Variants in RPP40 observed in about 807,000 individuals in gnomAD.
RPP40 encodes the protein ribonuclease P protein subunit p40.
RPP40 carries 30 observed loss-of-function variants against 42.5 expected under a neutral mutation model. That is an observed-to-expected ratio of 0.71 (90% CI 0.53 to 0.96). The LOEUF is 0.96. Among genes scored for constraint, RPP40 ranks in the 40% least tolerant of loss-of-function variants. RPP40 has a pLI of 0.00. For synonymous variants in RPP40, 173 were observed against 164.0 expected, an observed-to-expected ratio of 1.05 and a Z score of -0.42; for missense variants, 426 against 433.5, an observed-to-expected ratio of 0.98 and a Z score of 0.15.
rs575735499 is a variant in RPP40 at position 5,002,240 on chromosome 6, T to C, written c.129A>G (p.Ser43=). Reference sequence around the variant, plus strand: ...GTATCCCACATTCAGGAATGAGAAATGAAACCTATTGGAATGTGTAATACA... The same window carrying C: ...GTATCCCACATTCAGGAATGAGAAACGAAACCTATTGGAATGTGTAATACA... ...VQTHYYNYRV[S]FLIPECGILS... The change falls in exon 2 of 8, where the codon TCA becomes TCG. Residue 43 remains serine, a synonymous_variant. Transcript: ENST00000380051. 182 of 1,612,080 alleles carry C rather than the reference T, an allele frequency of 1.1e-4. 2 individuals carry two copies. In the South Asian group the frequency reaches 1.9e-3, roughly 17 times the overall value.
chr6:5,003,936 C>G lies in RPP40; in HGVS notation c.67G>C (p.Gly23Arg). 7 of 1,613,610 alleles carry G rather than the reference C, an allele frequency of 4.3e-6. No homozygotes were observed. The highest frequency in any genetic ancestry group is 5.9e-6 in the Non-Finnish European group (7 of 1,179,752). Residue 23 changes from glycine (G) to arginine (R), a missense_variant, in exon 1 of 8, where the codon GGC becomes CGC. Physicochemically the swap from Gly to Arg is moderately radical, Grantham distance 125. Coordinates refer to ENST00000380051, the MANE Select transcript of RPP40 (RefSeq NM_006638.4). ...HLLVCEKSNF[G>R]NHKSRHRHLV... ...TGCCGGTGGCGCGACTTGTGGTTGCCGAAGTTGGATTTCTCGCAAACCAGT... is the reference window on the plus strand; with the variant it reads ...TGCCGGTGGCGCGACTTGTGGTTGCGGAAGTTGGATTTCTCGCAAACCAGT...
rs201914025 is a variant in RPP40, at chr6:5,004,006, C to G, written c.-4G>C. Reference sequence around the variant, plus strand: ...GAAGCCGGCGCAGCGTGGCCATGCTCTCCTGGGTTCCTGGTCCTCCCGGCC... The same window carrying G: ...GAAGCCGGCGCAGCGTGGCCATGCTGTCCTGGGTTCCTGGTCCTCCCGGCC... On this transcript the variant is annotated 5_prime_UTR_variant, in exon 1 of 8. Coordinates refer to ENST00000380051, the MANE Select transcript of RPP40 (RefSeq NM_006638.4). The G allele has an allele frequency of 1.8e-5, 29 of 1,600,826 alleles. No individual in the cohort carries two copies. Among genetic ancestry groups the G allele is most frequent in the Non-Finnish European group, 2.2e-5 (26 of 1,173,524 alleles).
At chr6:4,989,076 T>C in the RPP40 span, among the ~76,000 whole-genome samples, 1 of 146,550 alleles carries the variant, frequency 6.8e-6, no homozygotes, top group African/African-American at 2.8e-5. Flanking sequence ...AGTGATATCA[T>C]GATTTTAAGT....
chr6:5,003,345 T>TA (rs1554114544), intron 1 of RPP40, among the ~76,000 whole-genome samples: 25 of 76,542 alleles, frequency 3.3e-4, no homozygotes, highest in African/African-American at 4.6e-4. Context: ...AAACTCCGTC[T>TA]AAAAAAAAAA....
chr6:5,000,323 G>A (rs1759511055), intron 3 of RPP40, among the ~76,000 whole-genome samples: 1 of 152,086 alleles, frequency 6.6e-6, no homozygotes, highest in Admixed American at 6.5e-5. Context: ...CAAGGAGCTG[G>A]GACTACAGGC....
downstream of RPP40, among the ~76,000 whole-genome samples, chr6:4,991,923 C>T (rs1233079205): frequency 6.6e-6 from 1 of 152,162 alleles, no homozygotes; most frequent in African/African-American, 2.4e-5. Context: ...GTACCTCCCA[C>T]ACCCCTCCCT....
chr6:4,998,850 A>T lies in RPP40; in HGVS notation c.434-9T>A. The T allele has an allele frequency of 7.2e-7, 1 of 1,387,878 alleles. No individual in the cohort carries two copies. Among genetic ancestry groups the T allele is most frequent in the Middle Eastern group, 1.8e-4 (1 of 5,472 alleles). 86.0% of individuals were successfully genotyped at this position (1,387,878 alleles called of 1,614,324 possible). The stretch of plus-strand genomic sequence containing the variant: ...CAAATCAATGGAAACAACTTTAAAA[A>T]TGAAAAAAAGAACATATATTTCATT... On this transcript the variant is annotated splice_polypyrimidine_tract_variant and intron_variant, in intron 4 of 7. Transcript: ENST00000380051.
intron 2 of RPP40, chr6:5,001,184 T>C: frequency 2.2e-6 from 1 of 456,202 alleles, no homozygotes; most frequent in East Asian, 6.9e-5. Context: ...ATTCAAAAGC[T>C]ACCCAACCTC....
intron 2 of RPP40, among the ~76,000 whole-genome samples, chr6:5,001,516 T>A (rs1759557632): frequency 6.6e-6 from 1 of 152,184 alleles, no homozygotes; most frequent in Admixed American, 6.5e-5. Context: ...AGGTGAGTTA[T>A]GTAGTGTGGG....
At position 4,996,408 on chromosome 6, in the gene RPP40, G is replaced by A. The variant is rs765129337; in HGVS notation, c.572C>T (p.Ser191Leu). 3.1e-5 allele frequency: 50 copies of A among 1,612,752 alleles called. No individual in the cohort carries two copies. The South Asian group carries it at 4.4e-4, about 14-fold the overall frequency. ...CTTGGAAAAATATGACATCATTGTCGATTCTTCTGAACCTTAAAAACACAC... is the reference window on the plus strand; with the variant it reads ...CTTGGAAAAATATGACATCATTGTCAATTCTTCTGAACCTTAAAAACACAC... Reference protein sequence around the residue: ...LAWHKTGSEESTMMSYFSKYQ... With the variant: ...LAWHKTGSEELTMMSYFSKYQ... Residue 191 changes from serine (S) to leucine (L), a missense_variant, in exon 6 of 8, where the codon TCG becomes TTG. Coordinates refer to ENST00000380051, the MANE Select transcript of RPP40 (RefSeq NM_006638.4).
chr6:5,000,635 G>C lies in RPP40; in HGVS notation c.269-4C>G, dbSNP rs899474365. The C allele has an allele frequency of 1.3e-6, 2 of 1,570,346 alleles. No individual in the cohort carries two copies. The highest frequency in any genetic ancestry group is 4.5e-5 in the East Asian group (2 of 44,682). ...TATGTTAGTGCATAGCAAGAACCTG[G>C]AAGAGAAAGTACAGAGGAAAAATTT... On this transcript the variant is annotated splice_region_variant and splice_polypyrimidine_tract_variant and intron_variant, in intron 2 of 7. Coordinates refer to ENST00000380051, the MANE Select transcript of RPP40 (RefSeq NM_006638.4).
At chr6:5,002,360 C>G in intron 1 of RPP40, 115 bp from the exon 2 acceptor site, 1 of 815,784 alleles carries the variant, frequency 1.2e-6, no homozygotes, top group South Asian at 2.0e-5. Context: ...TTCACTGGAA[C>G]ATAAAAACAC....
rs1178802121 is a variant in RPP40 at position 4,994,950 on chromosome 6, T to G, written c.*128A>C. ...GATGGGTCTCAGGTGCAGGGCAGGA[T>G]GCCAGCAAATGCTGATCTGAGAAAT... On this transcript the variant is annotated 3_prime_UTR_variant, in exon 8 of 8. Coordinates refer to ENST00000380051, the MANE Select transcript of RPP40 (RefSeq NM_006638.4). 3 of 802,874 alleles carry G rather than the reference T, an allele frequency of 3.7e-6. No individual in the cohort carries two copies. Among genetic ancestry groups the G allele is most frequent in the Non-Finnish European group, 5.8e-6 (3 of 514,404 alleles). 49.7% of individuals were successfully genotyped at this position (802,874 alleles called of 1,614,324 possible).
downstream of RPP40, among the ~76,000 whole-genome samples, chr6:4,990,385 G>T (rs1759244548): frequency 1.3e-5 from 2 of 152,072 alleles, no homozygotes; most frequent in Non-Finnish European, 2.9e-5. Context: ...TTTCTTTCCT[G>T]GTAGCATGTT....
In RPP40 at chr6:4,995,048, T is replaced by G; in HGVS notation, c.*30A>C. 6.3e-7 allele frequency: 1 copy of G among 1,574,902 alleles called. No individual in the cohort carries two copies. The highest frequency in any genetic ancestry group is 8.7e-7 in the Non-Finnish European group (1 of 1,153,538). Reference sequence around the variant, plus strand: ...AGAAATCTGAAAGCAAGCGTAAATGTAAGTAAACACGATTTTTAATTTTTA... The same window carrying G: ...AGAAATCTGAAAGCAAGCGTAAATGGAAGTAAACACGATTTTTAATTTTTA... On this transcript the variant is annotated 3_prime_UTR_variant, in exon 8 of 8. Coordinates refer to ENST00000380051, the MANE Select transcript of RPP40 (RefSeq NM_006638.4).
At chr6:4,990,691 G>A (rs1271758945), downstream of RPP40, among the ~76,000 whole-genome samples, 1 of 145,656 alleles carries the variant, frequency 6.9e-6, no homozygotes, top group Non-Finnish European at 1.5e-5. Flanking sequence ...ATGTTGTCCA[G>A]TCTGTCCTTG....
intron 7 of RPP40, 37 bp from the exon 8 acceptor site, chr6:4,995,313 G>A: frequency 1.4e-6 from 2 of 1,476,488 alleles, no homozygotes; most frequent in Non-Finnish European, 1.9e-6. Flanking sequence ...AGTTTTAAAA[G>A]AGAGTTAGGA....
At chr6:4,991,473 C>G (rs1581314728), downstream of RPP40, among the ~76,000 whole-genome samples, 1 of 152,232 alleles carries the variant, frequency 6.6e-6, no homozygotes, top group Middle Eastern at 3.4e-3. Flanking sequence ...TCCATTTTCT[C>G]AAGAAAAATT....
chr6:4,997,629 C>T (rs1305332677), intron 5 of RPP40, among the ~76,000 whole-genome samples: 1 of 152,122 alleles, frequency 6.6e-6, no homozygotes, highest in Non-Finnish European at 1.5e-5. Flanking sequence ...GATCAATTTC[C>T]CTAATAAATC....
Sources: gnomAD v4.1 joint callset for allele counts (sites outside exome capture counted in the v4.1 genomes callset) on GRCh38, gnomAD v4.1.1 for gene constraint, MANE v1.5 for transcripts, NCBI Gene and HGNC (gene_info 2026-07-23, HGNC 2026-07-21) for gene names.